The following TSNARE1 variants were observed in gnomAD, a reference collection of about 807,000 sequenced individuals.
TSNARE1 encodes t-SNARE domain-containing protein 1.
In TSNARE1, 49 loss-of-function variants were observed where a neutral mutation model predicts 62.0. That is an observed-to-expected ratio of 0.79 (90% CI 0.63 to 1.00). TSNARE1 has a LOEUF of 1.00. Ranked by LOEUF, TSNARE1 falls within the 50% of genes least tolerant of loss-of-function variation. The pLI, the probability that TSNARE1 is intolerant of heterozygous loss-of-function variation, is 0.00. For missense variants in TSNARE1, 755 were observed against 700.1 expected (o/e 1.08, Z -0.88); for synonymous variants, 328 against 294.4 (o/e 1.11, Z -1.17).
At chr8:142,222,269 C>T (rs1376483581) in intron 13 of TSNARE1, among the ~76,000 whole-genome samples, 1 of 29,074 alleles carries the variant, frequency 3.4e-5, no homozygotes, top group East Asian at 8.9e-4. Context: ...CATCCACTCA[C>T]TCACTCATCC....
At chr8:142,233,408 C>T (rs1468070932) in intron 12 of TSNARE1, among the ~76,000 whole-genome samples, 2 of 152,152 alleles carry the variant, frequency 1.3e-5, no homozygotes, top group Non-Finnish European at 2.9e-5. Flanking sequence ...TCATCCACAT[C>T]AAGCCTTGAG....
At chr8:142,248,778 G>A (rs1346398484) in intron 12 of TSNARE1, among the ~76,000 whole-genome samples, 4 of 152,228 alleles carry the variant, frequency 2.6e-5, no homozygotes, top group African/African-American at 7.2e-5. Context: ...GGGGCTCCAC[G>A]TCTCCCACCT....
At position 142,345,900 on chromosome 8, in the gene TSNARE1, C is replaced by T; in HGVS notation, c.89-8G>A. On this transcript the variant is annotated splice_region_variant and splice_polypyrimidine_tract_variant and intron_variant, in intron 2 of 13. Coordinates refer to ENST00000524325, the MANE Select transcript of TSNARE1 (RefSeq NM_145003.5). ...TCCAACATCTAGCGCACTCTACGGA[C>T]AGCAAGGGACAGTCACGATTACTCT... 1 of 1,611,454 alleles carries T rather than the reference C, an allele frequency of 6.2e-7. No homozygotes were observed. The highest frequency in any genetic ancestry group is 2.2e-5 in the East Asian group (1 of 44,724).
In TSNARE1 at chr8:142,314,444, T is replaced by C. The variant is rs1472862003; in HGVS notation, c.1075-4A>G. 6.2e-7 allele frequency: 1 copy of C among 1,613,400 alleles called. No homozygotes were observed. The highest frequency in any genetic ancestry group is 8.5e-7 in the Non-Finnish European group (1 of 1,179,790). On this transcript the variant is annotated splice_region_variant and splice_polypyrimidine_tract_variant and intron_variant, in intron 8 of 13. Transcript: ENST00000524325. ...CTCTGGACTTTTCTGCAATTTTCTG[T>C]TGAAAAAAGGACAAGAGAAGAAAGA...
intron 8 of TSNARE1, among the ~76,000 whole-genome samples, chr8:142,314,701 G>T (rs571591874): frequency 6.6e-6 from 1 of 152,230 alleles, no homozygotes; most frequent in Non-Finnish European, 1.5e-5. Flanking sequence ...CTGTCCACGC[G>T]TGGGAGCTCT....
At chr8:142,221,366 G>A (rs542527493) in intron 13 of TSNARE1, among the ~76,000 whole-genome samples, 2 of 152,356 alleles carry the variant, frequency 1.3e-5, no homozygotes, top group East Asian at 1.9e-4. Context: ...CAGGAAGCAC[G>A]CAAAGGTCCC....
chr8:142,372,396 G>A (rs1354376812), intron 1 of TSNARE1, among the ~76,000 whole-genome samples: 2 of 152,238 alleles, frequency 1.3e-5, no homozygotes, highest in African/African-American at 2.4e-5. Context: ...GAGCTGGAGA[G>A]GCTGGGACAC....
intron 2 of TSNARE1, among the ~76,000 whole-genome samples, chr8:142,349,958 CCAGGGCAGG>C (rs980738672): frequency 1.4e-5 from 2 of 145,768 alleles, no homozygotes; most frequent in Admixed American, 6.9e-5. Flanking sequence ...AGGGCTGGGA[CCAGGGCAGG>C]CAGGGCAGGC....
chr8:142,306,899 A>G (rs1212912995), intron 9 of TSNARE1, among the ~76,000 whole-genome samples: 1 of 152,200 alleles, frequency 6.6e-6, no homozygotes, highest in Non-Finnish European at 1.5e-5. Flanking sequence ...CACAAAGGAA[A>G]CACATCCCAG....
At chr8:142,338,303 G>A (rs1586889290) in intron 4 of TSNARE1, among the ~76,000 whole-genome samples, 1 of 152,358 alleles carries the variant, frequency 6.6e-6, no homozygotes, top group East Asian at 1.9e-4. Context: ...CCGTGTGTGG[G>A]ATTACAAGGG....
intron 1 of TSNARE1, among the ~76,000 whole-genome samples, chr8:142,394,634 C>A (rs1418303332): frequency 6.6e-6 from 1 of 152,216 alleles, no homozygotes; most frequent in Non-Finnish European, 1.5e-5. Context: ...TCCCACAGCT[C>A]TGCTCTGTGC....
chr8:142,276,025 C>G, intron 11 of TSNARE1: 1 of 985,438 alleles, frequency 1.0e-6, no homozygotes, highest in African/African-American at 1.7e-5. Context: ...CCAGGCCTCA[C>G]AGGGATCCTT....
chr8:142,395,748 T>C (rs962880393), intron 1 of TSNARE1, among the ~76,000 whole-genome samples: 4 of 152,058 alleles, frequency 2.6e-5, no homozygotes, highest in African/African-American at 9.7e-5. Flanking sequence ...ATCAGCACCT[T>C]CCCACAAGTG....
At chr8:142,256,548 TCACCATCAC>T (rs1311343445) in intron 12 of TSNARE1, among the ~76,000 whole-genome samples, 1 of 115,936 alleles carries the variant, frequency 8.6e-6, no homozygotes, top group Non-Finnish European at 1.9e-5. Context: ...ATCACCACCA[TCACCATCAC>T]CACCATCACC....
At position 142,314,797 on chromosome 8, in the gene TSNARE1, G is replaced by A. The variant is rs111624043; in HGVS notation, c.1074+206C>T. Among the ~76,000 whole-genome samples, 140 of 152,350 alleles carry A rather than the reference G, an allele frequency of 9.2e-4. 2 individuals carry two copies. The highest frequency in any genetic ancestry group is 1.7e-3 in the South Asian group (8 of 4,834). On this transcript the variant is annotated intron_variant, in intron 8 of 13. Coordinates refer to ENST00000524325, the MANE Select transcript of TSNARE1 (RefSeq NM_145003.5). Reference sequence around the variant, plus strand: ...GAGCTACTGTGGGTCAGCTCTTGAAGGTAAATGTCCTCTAGGACACATGCC... The same window carrying A: ...GAGCTACTGTGGGTCAGCTCTTGAAAGTAAATGTCCTCTAGGACACATGCC...
At chr8:142,298,490 A>G (rs1183549491) in intron 10 of TSNARE1, among the ~76,000 whole-genome samples, 1 of 152,046 alleles carries the variant, frequency 6.6e-6, no homozygotes, top group Non-Finnish European at 1.5e-5. Context: ...CCCTCAGGTG[A>G]AGGTGCCACG....
intron 12 of TSNARE1, among the ~76,000 whole-genome samples, chr8:142,261,472 TG>T (rs767601433): frequency 1.4e-4 from 21 of 151,886 alleles, no homozygotes; most frequent in Non-Finnish European, 2.4e-4. Context: ...GAACACCTGC[TG>T]GGAACTCAGC....
chr8:142,222,214 TCATTCACTCACTCATC>T (rs1246249856), intron 13 of TSNARE1, among the ~76,000 whole-genome samples: 4,153 of 24,926 alleles, frequency 0.17, 1,117 homozygotes, highest in Non-Finnish European at 0.24. Flanking sequence ...ACTCATCCGC[TCATTCACTCACTCATC>T]CACTCATTCA....
At chr8:142,284,279 G>C (rs1224155815) in intron 11 of TSNARE1, 134 bp downstream of exon 11, 1 of 696,040 alleles carries the variant, frequency 1.4e-6, no homozygotes, top group Non-Finnish European at 2.5e-6. Context: ...CAGATGCTCA[G>C]ACCTGGACCC....
Sources: gnomAD v4.1 joint callset for allele counts (sites outside exome capture counted in the v4.1 genomes callset) on GRCh38, gnomAD v4.1.1 for gene constraint, MANE v1.5 for transcripts, NCBI Gene and HGNC (gene_info 2026-07-23, HGNC 2026-07-21) for gene names.